SLC43A3: variants seen among roughly 807,000 people sequenced by gnomAD.
The protein encoded by SLC43A3 is solute carrier family 43 member 3.
A neutral mutation model predicts 53.3 loss-of-function variants in SLC43A3; 33 were observed. The ratio of observed to expected loss-of-function variants is 0.62; its 90% CI spans 0.47 to 0.83. The LOEUF (loss-of-function observed/expected upper bound fraction) is 0.83. Among genes scored for constraint, SLC43A3 ranks in the 40% least tolerant of loss-of-function variants. The pLI is 0.00. For synonymous variants in SLC43A3, 236 were observed against 246.2 expected (o/e 0.96, Z 0.39); for missense variants, 530 against 610.0 (o/e 0.87, Z 1.38).
chr11:57,416,766 C>A, intron 8 of SLC43A3, 96 bp from the exon 9 acceptor site: 1 of 941,868 alleles, frequency 1.1e-6, no homozygotes, highest in South Asian at 1.4e-5. Context: ...CCACATTCCA[C>A]CGCACTTTGG....
Position 57,410,059 on chromosome 11 carries a change from G to T in SLC43A3, c.1123C>A (p.Leu375Met). Residue 375 changes from leucine (L) to methionine (M), a missense_variant, in exon 12 of 14, where the codon CTG becomes ATG. This residue lies in a region of SLC43A3 where 124 missense variants were observed against 166.4 expected (regional missense o/e 0.75). Transcript: ENST00000395124. ...TVPSLALTSL[L>M]CLGFALCASV... is the part of the protein sequence containing the mutation. The stretch of plus-strand genomic sequence containing the variant: ...GCACAGAGGGCGAAGCCCAGGCACA[G>T]CAGGGATGTCAGGGCCAGCGAAGGC... 1 of 1,612,662 alleles carries T rather than the reference G, an allele frequency of 6.2e-7. No individual in the cohort carries two copies. The highest frequency in any genetic ancestry group is 2.2e-5 in the East Asian group (1 of 44,856).
At chr11:57,424,119 T>C in intron 4 of SLC43A3, 91 bp from the exon 5 acceptor site, 1 of 1,321,200 alleles carries the variant, frequency 7.6e-7, no homozygotes. Context: ...CCCACAAGTG[T>C]AGGACTTGAC....
chr11:57,422,498 CT>C (rs1943033598), intron 5 of SLC43A3, among the ~76,000 whole-genome samples: 2 of 152,118 alleles, frequency 1.3e-5, no homozygotes, highest in African/African-American at 2.4e-5. Context: ...GCGTGTGCCC[CT>C]AACATCCTCT....
In SLC43A3 at chr11:57,414,601, C is replaced by T; in HGVS notation, c.1060+14G>A. The T allele has an allele frequency of 1.3e-6, 2 of 1,544,122 alleles. No individual in the cohort carries two copies. The highest frequency in any genetic ancestry group is 9.0e-7 in the Non-Finnish European group (1 of 1,116,240). ...TGGTTCCCTGACCAGCCCCTGCCCT[C>T]CCCCGCATCTCACCTGTCTTTCTTG... On this transcript the variant is annotated intron_variant, in intron 11 of 13. Coordinates refer to ENST00000395124, the MANE Select transcript of SLC43A3 (RefSeq NM_199329.3).
intron 5 of SLC43A3, 103 bp downstream of exon 5, chr11:57,423,879 C>A (rs1179148055): frequency 1.4e-5 from 13 of 907,414 alleles, no homozygotes; most frequent in Non-Finnish European, 2.2e-5. Flanking sequence ...CTCTGAATAA[C>A]CATGTGGTCT....
chr11:57,415,434 G>C, intron 9 of SLC43A3: 1 of 1,331,098 alleles, frequency 7.5e-7, no homozygotes, highest in Non-Finnish European at 9.8e-7. Flanking sequence ...ACGACAAGGA[G>C]AGGAGAAAGT....
At position 57,409,219 on chromosome 11, in the gene SLC43A3, T is replaced by C. The variant is rs1239296679; in HGVS notation, c.1327A>G (p.Ile443Val). The C allele has an allele frequency of 5.6e-6, 9 of 1,614,106 alleles. No homozygotes were observed. The highest frequency in any genetic ancestry group is 2.2e-5 in the East Asian group (1 of 44,880). The change falls in exon 13 of 14, where the codon ATC (isoleucine) becomes GTC (valine). Residue 443 changes from isoleucine (I) to valine (V), a missense_variant. Ile to Val is a conservative substitution (Grantham distance 29). Transcript: ENST00000395124. ...AGGGAGCCTTTGATGAGGGTGAAGATGGGGAACTGGAGCAGAGACACCACA... is the reference window on the plus strand; with the variant it reads ...AGGGAGCCTTTGATGAGGGTGAAGACGGGGAACTGGAGCAGAGACACCACA... ...SAVVSLLQFPIFTLIKGSLQN... is the reference protein window; with the variant it reads ...SAVVSLLQFPVFTLIKGSLQN...
At chr11:57,409,500 G>A (rs1027337305) in intron 12 of SLC43A3, among the ~76,000 whole-genome samples, 1 of 152,176 alleles carries the variant, frequency 6.6e-6, no homozygotes, top group Admixed American at 6.5e-5. Flanking sequence ...CACATGCGGG[G>A]CCCTGGAAAA....
intron 11 of SLC43A3, among the ~76,000 whole-genome samples, chr11:57,412,219 T>C (rs554232747): frequency 3.9e-5 from 6 of 152,302 alleles, no homozygotes; most frequent in African/African-American, 1.4e-4. Context: ...CTAGAAATAA[T>C]GTGATTTCAT....
At position 57,409,312 on chromosome 11, in the gene SLC43A3, C is replaced by T. The variant is rs367939252; in HGVS notation, c.1248-14G>A. On this transcript the variant is annotated splice_polypyrimidine_tract_variant and intron_variant, in intron 12 of 13. Coordinates refer to ENST00000395124, the MANE Select transcript of SLC43A3 (RefSeq NM_199329.3). Reference sequence around the variant, plus strand: ...TCTGAAGGGAAACTGGGGAGAGAAACCAGAGGGGTTCCAGTGAGCTTCAGG... The same window carrying T: ...TCTGAAGGGAAACTGGGGAGAGAAATCAGAGGGGTTCCAGTGAGCTTCAGG... 1.9e-6 allele frequency: 3 copies of T among 1,613,938 alleles called. No individual in the cohort carries two copies. In the African/African-American group the frequency reaches 4.0e-5, roughly 22 times the overall value.
intron 7 of SLC43A3, among the ~76,000 whole-genome samples, chr11:57,419,152 ATCT>A (rs1942863218): frequency 6.6e-6 from 1 of 151,940 alleles, no homozygotes; most frequent in Admixed American, 6.6e-5. Context: ...CTCCCCAGAG[ATCT>A]TCTAGCCCAG....
In SLC43A3 at chr11:57,426,577, A is replaced by T. The variant is rs1009400142; in HGVS notation, c.-181+11T>A. 7.2e-5 allele frequency: 12 copies of T among 167,346 alleles called. No individual in the cohort carries two copies. Among genetic ancestry groups the T allele is most frequent in the African/African-American group, 2.4e-4 (10 of 42,022 alleles). 10.4% of individuals were successfully genotyped at this position (167,346 alleles called of 1,614,324 possible). A position where few individuals can be genotyped will look rare whatever the true frequency, so the allele number is the denominator to read the frequency against. On this transcript the variant is annotated intron_variant, in intron 2 of 13. Transcript: ENST00000395124. ...GGCCACCTGGAGTCACAGGTGAGAT[A>T]AACGACTTACCCAATAGCTCCCCGG...
Position 57,424,005 on chromosome 11 carries a change from A to G in SLC43A3, c.338T>C (p.Leu113Pro). The G allele has an allele frequency of 6.2e-7, 1 of 1,614,180 alleles. No individual in the cohort carries two copies. Reference sequence around the variant, plus strand: ...ACCTGCAGAGGTGAAGGCTATGATGAGTGTGGCGGTGGTGTAGAAAAATCT... The same window carrying G: ...ACCTGCAGAGGTGAAGGCTATGATGGGTGTGGCGGTGGTGTAGAAAAATCT... The part of the protein sequence containing the change: ...IAIFFYTTAT[L>P]IIAFTSAGSA... The change falls in exon 5 of 14, where the codon CTC becomes CCC. Residue 113 changes from leucine (L) to proline (P), a missense_variant. This residue lies in a region of SLC43A3 where 376 missense variants were observed against 386.7 expected (regional missense o/e 0.97). Transcript: ENST00000395124.
rs3832767 is a variant in SLC43A3, at chr11:57,407,665, T to TTGTGTG, written c.*121_*126dup. ...GCAGACGTCCTTGTGTGTCTTTATT[T>TTGTGTG]TGTGTGTGTGTGTGTGTGTGTGTGT... On this transcript the variant is annotated 3_prime_UTR_variant, in exon 14 of 14. Coordinates refer to ENST00000395124, the MANE Select transcript of SLC43A3 (RefSeq NM_199329.3). 7,377 of 565,132 alleles carry TTGTGTG rather than the reference T, an allele frequency of 0.013. 21 individuals are homozygous for TTGTGTG. The highest frequency in any genetic ancestry group is 0.033 in the East Asian group (1,158 of 34,604). 35.0% of individuals were successfully genotyped at this position (565,132 alleles called of 1,614,324 possible).
At chr11:57,423,728 C>A in intron 5 of SLC43A3, 5 of 414,318 alleles carry the variant, frequency 1.2e-5, no homozygotes. Context: ...CTGCACCTGG[C>A]CAGATGTAAA....
At chr11:57,421,460 C>A in intron 5 of SLC43A3, 87 bp from the exon 6 acceptor site, 1 of 958,510 alleles carries the variant, frequency 1.0e-6, no homozygotes, top group Admixed American at 2.1e-5. Flanking sequence ...GCTCCAAATT[C>A]CCAACAATCC....
chr11:57,415,252 T>C (rs748101605), intron 9 of SLC43A3, 146 bp from the exon 10 acceptor site: 1 of 1,535,984 alleles, frequency 6.5e-7, no homozygotes, highest in South Asian at 1.2e-5. Flanking sequence ...GCTCTGCACC[T>C]GCCTCGGACT....
chr11:57,418,896 A>C (rs550422004), intron 7 of SLC43A3, among the ~76,000 whole-genome samples: 6,689 of 152,204 alleles, frequency 0.044, 497 homozygotes, highest in African/African-American at 0.15. Context: ...TCTCAAAAAA[A>C]AAAAAAGGTT....
intron 7 of SLC43A3, among the ~76,000 whole-genome samples, chr11:57,419,916 T>C (rs1032955380): frequency 2.3e-4 from 35 of 152,016 alleles, no homozygotes; most frequent in African/African-American, 8.0e-4. Context: ...AAGGCTTGAG[T>C]GCCTCAGGGG....
Sources: allele counts gnomAD v4.1 joint callset (sites outside exome capture counted in the v4.1 genomes callset), GRCh38; gene constraint gnomAD v4.1.1; regional missense constraint gnomAD v4.1.1; transcripts MANE v1.5; gene names NCBI Gene and HGNC (gene_info 2026-07-23, HGNC 2026-07-21).